The following ENAH variants were observed in gnomAD, a reference collection of about 807,000 sequenced individuals.
ENAH encodes protein enabled homolog.
ENAH carries 23 observed loss-of-function variants against 78.7 expected under a neutral mutation model. The observed-to-expected ratio is 0.29, with a 90% CI of 0.21 to 0.41. The LOEUF is 0.41. Among genes scored for constraint, ENAH ranks in the 10% least tolerant of loss-of-function variants. ENAH has a pLI of 1.00. For missense variants in ENAH, 544 were observed against 691.0 expected (o/e 0.79, Z 2.39); for synonymous variants, 226 against 241.0 (o/e 0.94, Z 0.58).
rs115288740 is a variant in ENAH at position 225,602,758 on chromosome 1, T to C, written c.6-35344A>G. 4.3e-3 allele frequency among the ~76,000 whole-genome samples: 658 copies of C among 152,128 alleles called. 5 individuals are homozygous for C. The highest frequency in any genetic ancestry group is 7.4e-3 in the Non-Finnish European group (503 of 67,940). On this transcript the variant is annotated intron_variant, in intron 1 of 13. Transcript: ENST00000366843. ...ACTGTAAAAAATAAGAGTGTAACAT[T>C]TGAAAAGAAAGAGAGAAAACTGTCA...
At chr1:225,521,045 C>G (rs1395463179) in intron 4 of ENAH, among the ~76,000 whole-genome samples, 1 of 151,290 alleles carries the variant, frequency 6.6e-6, no homozygotes, top group African/African-American at 2.4e-5. Context: ...TGGATGGACA[C>G]ACGCACGCGC....
chr1:225,507,528 T>C (rs2096342273), intron 11 of ENAH, among the ~76,000 whole-genome samples: 1 of 152,122 alleles, frequency 6.6e-6, no homozygotes, highest in Non-Finnish European at 1.5e-5. Context: ...CAGTTCTTAT[T>C]TGTGAATTGC....
intron 1 of ENAH, among the ~76,000 whole-genome samples, chr1:225,629,242 C>A (rs762876072): frequency 2.6e-5 from 4 of 151,948 alleles, no homozygotes; most frequent in Non-Finnish European, 4.4e-5. Flanking sequence ...CACGCCACTG[C>A]ACTTCAGCCT....
chr1:225,567,954 T>C (rs2096742844), intron 1 of ENAH, among the ~76,000 whole-genome samples: 1 of 152,198 alleles, frequency 6.6e-6, no homozygotes, highest in African/African-American at 2.4e-5. Context: ...ATCAACCATC[T>C]GCCCCTTGAG....
At chr1:225,559,758 T>G (rs2096690094) in intron 2 of ENAH, among the ~76,000 whole-genome samples, 1 of 151,998 alleles carries the variant, frequency 6.6e-6, no homozygotes, top group African/African-American at 2.4e-5. Flanking sequence ...CAGCAGACAG[T>G]AAGAGAATCA....
At chr1:225,555,154 T>C (rs1558805609) in intron 2 of ENAH, 71 bp from the exon 3 acceptor site, 6 of 1,300,830 alleles carry the variant, frequency 4.6e-6, no homozygotes, top group East Asian at 2.5e-5. Context: ...CAAATGCTGA[T>C]TGTATATATT....
At chr1:225,515,478 A>C (rs2096410336) in intron 6 of ENAH, 1 of 152,324 alleles carries the variant, frequency 6.6e-6, no homozygotes, top group African/African-American at 2.4e-5. Context: ...CACTGAAGTA[A>C]AGGAATTTAC....
Position 225,494,679 on chromosome 1 carries a change from A to G in ENAH, c.*3096T>C, listed in dbSNP as rs2096241068. 1 of 152,210 alleles carries G rather than the reference A, an allele frequency of 6.6e-6. No individual in the cohort carries two copies. The allele number at this position is 152,210 out of a possible 1,614,324, so 9.4% of individuals were successfully genotyped here. A position where few individuals can be genotyped will look rare whatever the true frequency, so the allele number is the denominator to read the frequency against. ...TATTCACGACTTCTATGAAATCTGT[A>G]AAGAATAGTGACGTGACATGTAAAC... On this transcript the variant is annotated 3_prime_UTR_variant, in exon 14 of 14. Coordinates refer to ENST00000366843, the MANE Select transcript of ENAH (RefSeq NM_018212.6).
rs187921654 is a variant in ENAH, at chr1:225,530,767, T to C, written c.350-129A>G. The C allele has an allele frequency of 2.2e-3, 1,570 of 698,562 alleles. 8 individuals are homozygous for C. Among genetic ancestry groups the C allele is most frequent in the Non-Finnish European group, 2.9e-3 (1,210 of 410,814 alleles). The allele number at this position is 698,562 out of a possible 1,614,324, so 43.3% of individuals were successfully genotyped here. On this transcript the variant is annotated intron_variant, in intron 3 of 13. Transcript: ENST00000366843. ...CGTGTCTTCTTTTTGTCTAGCAAAA[T>C]AAAATATAAGCTTTACATAACACAG...
At chr1:225,517,330 C>G in intron 5 of ENAH, 24 bp from the exon 6 acceptor site, 4 of 1,551,648 alleles carry the variant, frequency 2.6e-6, no homozygotes, top group Non-Finnish European at 3.5e-6. Context: ...AGGGAGAACA[C>G]TAGGCTTGGA....
upstream of ENAH, among the ~76,000 whole-genome samples, chr1:225,653,522 C>T (rs1421618541): frequency 1.3e-5 from 2 of 149,982 alleles, no homozygotes; most frequent in Non-Finnish European, 3.0e-5. This position sits in a 1 kb window ranked among gnomAD's most constrained non-coding sequence, Gnocchi z 4.3. Flanking sequence ...TCCCCAGAGG[C>T]TTGGGGAGCT....
At chr1:225,514,478 A>AT in intron 7 of ENAH, 118 bp downstream of exon 7, 2 of 936,264 alleles carry the variant, frequency 2.1e-6, no homozygotes, top group Non-Finnish European at 3.3e-6. Context: ...AATTATTTCA[A>AT]TTTTTTAAAT....
chr1:225,508,842 A>T (rs542020120), intron 10 of ENAH, among the ~76,000 whole-genome samples: 1 of 152,356 alleles, frequency 6.6e-6, no homozygotes, highest in South Asian at 2.1e-4. Context: ...CTCATTGTAT[A>T]GTTTTAACTA....
chr1:225,511,570 A>G (rs1262132894), intron 10 of ENAH, among the ~76,000 whole-genome samples: 1 of 152,234 alleles, frequency 6.6e-6, no homozygotes, highest in Non-Finnish European at 1.5e-5. Flanking sequence ...AACAATTATG[A>G]AAAATACTCT....
chr1:225,581,263 GTTC>G (rs1200953975), intron 1 of ENAH: 54 of 984,034 alleles, frequency 5.5e-5, no homozygotes, highest in Non-Finnish European at 6.4e-5. Flanking sequence ...GTTTCCTGTA[GTTC>G]TTCTTTTCCT....
chr1:225,595,257 C>T (rs111818993), intron 1 of ENAH, among the ~76,000 whole-genome samples: 5,023 of 151,866 alleles, frequency 0.033, 108 homozygotes, highest in East Asian at 0.078. Flanking sequence ...CGCTTGAACA[C>T]GGGAGGCGGA....
chr1:225,553,882 A>G (rs572032552), intron 3 of ENAH, among the ~76,000 whole-genome samples: 1 of 152,364 alleles, frequency 6.6e-6, no homozygotes, highest in African/African-American at 2.4e-5. Context: ...CAAAACATCT[A>G]AAGGCATAAC....
intron 3 of ENAH, among the ~76,000 whole-genome samples, chr1:225,554,117 T>C (rs190400246): frequency 3.7e-4 from 57 of 152,306 alleles, no homozygotes; most frequent in Non-Finnish European, 8.8e-5. Context: ...ATATATATTG[T>C]TTACAGTACA....
intron 1 of ENAH, among the ~76,000 whole-genome samples, chr1:225,621,442 G>A (rs1656903416): frequency 6.6e-6 from 1 of 151,424 alleles, no homozygotes; most frequent in Admixed American, 6.6e-5. Flanking sequence ...ACAGGCGCCC[G>A]CCACTACGCC....
Sources: gnomAD v4.1 joint callset for allele counts (sites outside exome capture counted in the v4.1 genomes callset) on GRCh38, gnomAD v4.1.1 for gene constraint, Gnocchi (gnomAD v3.1) non-coding constraint, MANE v1.5 for transcripts, NCBI Gene and HGNC (gene_info 2026-07-23, HGNC 2026-07-21) for gene names.